WNT3A: variants seen among roughly 807,000 people sequenced by gnomAD.
WNT3A encodes protein Wnt-3a.
WNT3A carries 17 observed loss-of-function variants against 37.0 expected under a neutral mutation model. That is an observed-to-expected ratio of 0.46 (90% confidence interval 0.31 to 0.69). The LOEUF (loss-of-function observed/expected upper bound fraction) is 0.69, where lower values mean the gene tolerates loss of function less well. Ranked by LOEUF, WNT3A falls within the 30% of genes least tolerant of loss-of-function variation. WNT3A has a pLI of 0.05. For synonymous variants in WNT3A, 187 were observed against 211.0 expected, an observed-to-expected ratio of 0.89 and a Z score of 0.99; for missense variants, 411 against 510.2, an observed-to-expected ratio of 0.81 and a Z score of 1.87.
Position 228,031,138 on chromosome 1 carries a change from G to A in WNT3A, c.313+8230G>A, listed in dbSNP as rs1054460827. On this transcript the variant is annotated intron_variant, in intron 2 of 3. Transcript: ENST00000284523. The surrounding 1 kb of genome is among the most constrained non-coding windows in gnomAD (Gnocchi z 4.8). Reference sequence around the variant, plus strand: ...GTTCTTCAGGCGTGGGGAAGGCACCGTGGGGCAGAGAGTGGGGACCCGAGG... The same window carrying A: ...GTTCTTCAGGCGTGGGGAAGGCACCATGGGGCAGAGAGTGGGGACCCGAGG... Among the ~76,000 whole-genome samples the A allele has an allele frequency of 2.6e-5, 4 of 152,330 alleles. No individual in the cohort carries two copies. Among genetic ancestry groups the A allele is most frequent in the East Asian group, 1.9e-4 (1 of 5,160 alleles).
At chr1:228,045,639 G>A (rs2031386734) in intron 2 of WNT3A, among the ~76,000 whole-genome samples, 1 of 152,232 alleles carries the variant, frequency 6.6e-6, no homozygotes, top group Admixed American at 6.5e-5. Context: ...GCCCCTCCAG[G>A]CCTGTCTGTG....
chr1:228,046,805 G>A (rs531406987), intron 2 of WNT3A, among the ~76,000 whole-genome samples: 33 of 150,776 alleles, frequency 2.2e-4, no homozygotes, highest in African/African-American at 7.8e-4. Flanking sequence ...GTGTGCATGT[G>A]TGTGGTGTGC....
chr1:228,010,333 C>T (rs934238897), intron 1 of WNT3A, among the ~76,000 whole-genome samples: 2 of 152,070 alleles, frequency 1.3e-5, no homozygotes, highest in African/African-American at 2.4e-5. Flanking sequence ...CTGTGCCTCC[C>T]GCCACCGCCT....
chr1:228,022,622 C>T (rs768143365), intron 1 of WNT3A, 45 bp from the exon 2 acceptor site: 13 of 1,580,464 alleles, frequency 8.2e-6, no homozygotes, highest in South Asian at 4.6e-5. Context: ...TCATCTGTGT[C>T]GCTGTCCCAG....
In WNT3A at chr1:228,059,482, C is replaced by G; in HGVS notation, c.*17C>G. The G allele has an allele frequency of 6.7e-7, 1 of 1,490,052 alleles. No homozygotes were observed. The highest frequency in any genetic ancestry group is 8.9e-7 in the Non-Finnish European group (1 of 1,127,242). The allele number at this position is 1,490,052 out of a possible 1,614,324, so 92.3% of individuals were successfully genotyped here. A position where few individuals can be genotyped will look rare whatever the true frequency, so the allele number is the denominator to read the frequency against. ...TGCAAGTAGGCACCGGCCGCGGCTC[C>G]CCCTGGACGGGGCGGGCCCTGCCTG... On this transcript the variant is annotated 3_prime_UTR_variant, in exon 4 of 4. Transcript: ENST00000284523.
In WNT3A at chr1:228,008,558, C is replaced by A. The variant is rs1297641450; in HGVS notation, c.71+1359C>A. On this transcript the variant is annotated intron_variant, in intron 1 of 3. Coordinates refer to ENST00000284523, the MANE Select transcript of WNT3A (RefSeq NM_033131.4). The surrounding 1 kb of genome is among the most constrained non-coding windows in gnomAD (Gnocchi z 4.9). ...ATTTCCGCGTGCCCCATTTCCCGTGCGGCACCTGCTGCGCCCAGTGGCCCA... is the reference window on the plus strand; with the variant it reads ...ATTTCCGCGTGCCCCATTTCCCGTGAGGCACCTGCTGCGCCCAGTGGCCCA... Among the ~76,000 whole-genome samples, 3 of 152,054 alleles carry A rather than the reference C, an allele frequency of 2.0e-5. No individual in the cohort carries two copies. The highest frequency in any genetic ancestry group is 2.1e-4 in the South Asian group (1 of 4,832).
rs746310728 is a variant in WNT3A at position 228,058,956 on chromosome 1, C to G, written c.580-30C>G. On this transcript the variant is annotated intron_variant, in intron 3 of 3. Transcript: ENST00000284523. ...CGGGGAGACGCACCAGGGGGCCGCCCTGACGCTGGCTCCTGCGCGTGCCCC... is the reference window on the plus strand; with the variant it reads ...CGGGGAGACGCACCAGGGGGCCGCCGTGACGCTGGCTCCTGCGCGTGCCCC... The G allele has an allele frequency of 8.8e-6, 14 of 1,583,102 alleles. No homozygotes were observed. The Admixed American group carries it at 1.9e-4, about 22-fold the overall frequency.
intron 3 of WNT3A, among the ~76,000 whole-genome samples, chr1:228,052,428 G>A (rs753356879): frequency 1.5e-4 from 23 of 152,204 alleles, no homozygotes; most frequent in Non-Finnish European, 2.5e-4. Context: ...ACAGGTGTGA[G>A]CCACCATGCC....
chr1:228,045,367 G>A (rs2031377656), intron 2 of WNT3A, among the ~76,000 whole-genome samples: 1 of 152,200 alleles, frequency 6.6e-6, no homozygotes, highest in South Asian at 2.1e-4. Flanking sequence ...ATTTGGGAGT[G>A]AGAAGGTCCG....
At chr1:228,036,671 G>A (rs944725758) in intron 2 of WNT3A, among the ~76,000 whole-genome samples, 2 of 152,200 alleles carry the variant, frequency 1.3e-5, no homozygotes, top group African/African-American at 2.4e-5. Context: ...TGGGCACACC[G>A]TGCAGCTTCT....
intron 1 of WNT3A, among the ~76,000 whole-genome samples, chr1:228,012,118 C>T (rs1057377117): frequency 6.6e-6 from 1 of 152,252 alleles, no homozygotes; most frequent in Admixed American, 6.5e-5. Context: ...TAGATACAGT[C>T]ATAGCAGCCC....
chr1:228,021,709 C>T (rs565773281), intron 1 of WNT3A, among the ~76,000 whole-genome samples: 6 of 152,346 alleles, frequency 3.9e-5, no homozygotes, highest in Admixed American at 3.3e-4. Flanking sequence ...AGTGGGCCTG[C>T]GGGCTGGCGG....
chr1:228,052,898 G>T (rs1288625168), intron 3 of WNT3A, among the ~76,000 whole-genome samples: 1 of 152,222 alleles, frequency 6.6e-6, no homozygotes, highest in East Asian at 1.9e-4. Flanking sequence ...TGGTCTGAAT[G>T]TGTCTCCCAA....
At chr1:228,046,064 G>A (rs1456261879) in intron 2 of WNT3A, among the ~76,000 whole-genome samples, 1 of 152,240 alleles carries the variant, frequency 6.6e-6, no homozygotes, top group East Asian at 1.9e-4. Context: ...AGCAGGCAGG[G>A]GCACAGCAGG....
In WNT3A at chr1:228,037,373, A is replaced by T. The variant is rs1259560193; in HGVS notation, c.314-13283A>T. Among the ~76,000 whole-genome samples, 1 of 152,144 alleles carries T rather than the reference A, an allele frequency of 6.6e-6. No individual in the cohort carries two copies. Among genetic ancestry groups the T allele is most frequent in the Non-Finnish European group, 1.5e-5 (1 of 68,010 alleles). ...GAGTAATGAAAGGGTCCTGCGCACC[A>T]CATGTCAGTAAGCCTTGTTGGGTGC... On this transcript the variant is annotated intron_variant, in intron 2 of 3. Coordinates refer to ENST00000284523, the MANE Select transcript of WNT3A (RefSeq NM_033131.4). This position sits in a 1 kb window ranked among gnomAD's most constrained non-coding sequence, Gnocchi z 4.1.
intron 1 of WNT3A, among the ~76,000 whole-genome samples, chr1:228,009,099 G>C (rs1047998829): frequency 6.6e-6 from 1 of 152,084 alleles, no homozygotes; most frequent in Non-Finnish European, 1.5e-5. Context: ...TGGGTGGTGA[G>C]GACCCCTCCC....
chr1:228,052,999 C>A (rs1282453190), intron 3 of WNT3A, among the ~76,000 whole-genome samples: 1 of 152,170 alleles, frequency 6.6e-6, no homozygotes, highest in Non-Finnish European at 1.5e-5. Context: ...GCCTTGCCCT[C>A]ATAAAGGGAC....
intron 1 of WNT3A, among the ~76,000 whole-genome samples, chr1:228,015,926 G>A (rs1010578340): frequency 1.3e-5 from 2 of 152,220 alleles, no homozygotes; most frequent in East Asian, 1.9e-4. Context: ...AGGGCACCAG[G>A]CAGGACAGTG....
At position 228,010,173 on chromosome 1, in the gene WNT3A, G is replaced by A. The variant is rs145439548; in HGVS notation, c.71+2974G>A. Among the ~76,000 whole-genome samples the A allele has an allele frequency of 7.0e-3, 1,073 of 152,328 alleles. 6 individuals are homozygous for A. Among genetic ancestry groups the A allele is most frequent in the Middle Eastern group, 0.014 (4 of 294 alleles). On this transcript the variant is annotated intron_variant, in intron 1 of 3. Coordinates refer to ENST00000284523, the MANE Select transcript of WNT3A (RefSeq NM_033131.4). The stretch of plus-strand genomic sequence containing the variant: ...CATGGACAGAGGACAGGGCAGCTGC[G>A]CTGCAAGGAGACCATGGCTCCATCT...
Sources: gnomAD v4.1 joint callset for allele counts (sites outside exome capture counted in the v4.1 genomes callset) on GRCh38, gnomAD v4.1.1 for gene constraint, Gnocchi (gnomAD v3.1) non-coding constraint, MANE v1.5 for transcripts, NCBI Gene and HGNC (gene_info 2026-07-23, HGNC 2026-07-21) for gene names.